The following FGD3 variants were observed in gnomAD, a reference collection of about 807,000 sequenced individuals.
The protein encoded by FGD3 is FYVE, RhoGEF and PH domain containing 3.
Under a neutral mutation model 71.8 loss-of-function variants are expected in FGD3, and 45 were observed. That is an observed-to-expected ratio of 0.63 (90% CI 0.49 to 0.80). The LOEUF is 0.80. Among genes scored for constraint, FGD3 ranks in the 30% least tolerant of loss-of-function variants. The pLI is 0.00. For synonymous variants in FGD3, 378 were observed against 392.8 expected (o/e 0.96, Z 0.44); for missense variants, 844 against 951.5 (o/e 0.89, Z 1.49).
intron 1 of FGD3, among the ~76,000 whole-genome samples, chr9:92,973,124 T>C (rs1859597293): frequency 6.9e-6 from 1 of 144,318 alleles, no homozygotes; most frequent in Admixed American, 6.9e-5. Context: ...TTTTTTTTTT[T>C]TTTTTTTTGA....
chr9:93,025,116 C>T (rs796739563), intron 14 of FGD3, among the ~76,000 whole-genome samples: 6 of 152,338 alleles, frequency 3.9e-5, no homozygotes, highest in African/African-American at 1.4e-4. Flanking sequence ...CGCTGTGCCT[C>T]GATGGGTGCG....
At chr9:93,015,680 C>T (rs1354298802) in intron 9 of FGD3, 57 bp from the exon 10 acceptor site, 2 of 1,411,394 alleles carry the variant, frequency 1.4e-6, no homozygotes, top group African/African-American at 2.8e-5. Context: ...CTCACTGGGG[C>T]CCCTGGGGGG....
At chr9:93,023,675 TGCTAGGCCCCAGG>T (rs1440256943) in intron 14 of FGD3, among the ~76,000 whole-genome samples, 1 of 152,060 alleles carries the variant, frequency 6.6e-6, no homozygotes, top group Non-Finnish European at 1.5e-5. Flanking sequence ...CCCCTTGCCC[TGCTAGGCCCCAGG>T]GCCTTGACAC....
At chr9:93,024,599 G>A (rs937223880) in intron 14 of FGD3, among the ~76,000 whole-genome samples, 4 of 152,250 alleles carry the variant, frequency 2.6e-5, no homozygotes, top group Admixed American at 6.5e-5. Context: ...TGTCCTTGGT[G>A]TGAGCCCATA....
At chr9:92,954,657 A>C (rs1859016055) in intron 1 of FGD3, among the ~76,000 whole-genome samples, 1 of 152,090 alleles carries the variant, frequency 6.6e-6, no homozygotes, top group Non-Finnish European at 1.5e-5. Context: ...CCGCTCAGCA[A>C]ATGGTTGTTG....
At chr9:92,964,865 G>A (rs997350748) in intron 1 of FGD3, among the ~76,000 whole-genome samples, 2 of 152,212 alleles carry the variant, frequency 1.3e-5, no homozygotes, top group African/African-American at 2.4e-5. Context: ...GAACAGAGGA[G>A]GGTGGTCCCA....
chr9:93,001,170 C>T (rs970613493), intron 3 of FGD3, among the ~76,000 whole-genome samples: 1 of 152,114 alleles, frequency 6.6e-6, no homozygotes, highest in African/African-American at 2.4e-5. Context: ...GATATTCTCA[C>T]TTTGTTCATG....
Position 93,034,621 on chromosome 9 carries a change from G to T in FGD3, c.1866G>T (p.Glu622Asp). The part of the protein sequence containing the change: ...RLSESGETWS[E>D]VWAAIPMSDP... The stretch of plus-strand genomic sequence containing the variant: ...CAGAGAGCGGTGAGACCTGGAGCGA[G>T]GTGTGGGCCGCCATCCCCATGTCAG... Residue 622 changes from glutamate (E) to aspartate (D), a missense_variant, in exon 17 of 18, where the codon GAG (glutamate) becomes GAT (aspartate). Glu to Asp is a conservative substitution (Grantham distance 45). Transcript: ENST00000375482. 1 of 1,613,512 alleles carries T rather than the reference G, an allele frequency of 6.2e-7. No homozygotes were observed. The highest frequency in any genetic ancestry group is 8.5e-7 in the Non-Finnish European group (1 of 1,179,874).
At chr9:92,965,549 G>A (rs1859290813) in intron 1 of FGD3, among the ~76,000 whole-genome samples, 1 of 152,198 alleles carries the variant, frequency 6.6e-6, no homozygotes. Context: ...GGGGGCGGAG[G>A]TCCACGTCTA....
At chr9:93,016,502 T>TAGG (rs1256889670) in intron 10 of FGD3, among the ~76,000 whole-genome samples, 5 of 151,384 alleles carry the variant, frequency 3.3e-5, no homozygotes, top group Non-Finnish European at 7.4e-5. Flanking sequence ...CACACCCAGC[T>TAGG]AATTTTTGTA....
chr9:92,976,640 C>T lies in FGD3; in HGVS notation c.384C>T (p.Ser128=), dbSNP rs758203468. 1.5e-5 allele frequency: 24 copies of T among 1,612,400 alleles called. No individual in the cohort carries two copies. In the South Asian group the frequency reaches 2.0e-4, roughly 13 times the overall value. The change falls in exon 3 of 18, where the codon AGC becomes AGT. Residue 128 remains serine, a synonymous_variant. Coordinates refer to ENST00000375482, the MANE Select transcript of FGD3 (RefSeq NM_001083536.2). ...TCACCCCCCAGGAGGAGGCGGACAG[C>T]GACGTGGGTGAGGAACCTGACTCTG... The part of the protein sequence containing the change: ...PKVTPQEEAD[S]DVGEEPDSEN...
At chr9:93,020,263 G>T in intron 12 of FGD3, 54 bp from the exon 13 acceptor site, 1 of 1,522,610 alleles carries the variant, frequency 6.6e-7, no homozygotes, top group Non-Finnish European at 8.9e-7. Flanking sequence ...CCTCCTGTGG[G>T]TAGCATCCTC....
Position 93,018,059 on chromosome 9 carries a change from T to C in FGD3, c.1276-77T>C, listed in dbSNP as rs1383680979. 2.8e-6 allele frequency: 4 copies of C among 1,407,518 alleles called. No homozygotes were observed. The East Asian group carries it at 9.1e-5, about 32-fold the overall frequency. 87.2% of individuals were successfully genotyped at this position (1,407,518 alleles called of 1,614,324 possible). A position where few individuals can be genotyped will look rare whatever the true frequency, so the allele number is the denominator to read the frequency against. On this transcript the variant is annotated intron_variant, in intron 10 of 17. Coordinates refer to ENST00000375482, the MANE Select transcript of FGD3 (RefSeq NM_001083536.2). ...TCTGTTACCTCCTTGGGGAAACACT[T>C]CTAAGTCAGAAAACATGAGGCTGGA... is the stretch of plus-strand genomic sequence containing the variant.
At chr9:92,949,641 C>T (rs1295020911) in intron 1 of FGD3, among the ~76,000 whole-genome samples, 1 of 152,192 alleles carries the variant, frequency 6.6e-6, no homozygotes. Flanking sequence ...GCCATAGCTC[C>T]ACAGTCTCAG....
At chr9:93,006,793 C>T (rs1307156435) in intron 6 of FGD3, among the ~76,000 whole-genome samples, 2 of 151,410 alleles carry the variant, frequency 1.3e-5, no homozygotes, top group Non-Finnish European at 2.9e-5. Context: ...GTGGCACGAT[C>T]TCGGCTCACT....
chr9:93,015,686 G>C (rs751951968), intron 9 of FGD3, 51 bp from the exon 10 acceptor site: 50 of 1,499,412 alleles, frequency 3.3e-5, no homozygotes, highest in Non-Finnish European at 4.1e-5. Flanking sequence ...GGGGCCCCTG[G>C]GGGGACCTGC....
chr9:93,016,708 C>G (rs1162676831), intron 10 of FGD3, among the ~76,000 whole-genome samples: 1 of 151,190 alleles, frequency 6.6e-6, no homozygotes, highest in Non-Finnish European at 1.5e-5. Context: ...ACTGCGACCT[C>G]CACCTCCTAG....
intron 1 of FGD3, among the ~76,000 whole-genome samples, chr9:92,960,077 C>T (rs746980587): frequency 6.6e-5 from 10 of 151,904 alleles, no homozygotes; most frequent in Admixed American, 2.0e-4. Context: ...CCCCATATCT[C>T]CATATTCTTC....
At position 93,027,848 on chromosome 9, in the gene FGD3, T is replaced by C. The variant is rs1212221273; in HGVS notation, c.1558-2026T>C. Reference sequence around the variant, plus strand: ...GATCCTCCTACCTAAGCCCCCCAAATATCTGGGACTACAGGCACGTGCCAC... The same window carrying C: ...GATCCTCCTACCTAAGCCCCCCAAACATCTGGGACTACAGGCACGTGCCAC... On this transcript the variant is annotated intron_variant, in intron 14 of 17. Transcript: ENST00000375482. Among the ~76,000 whole-genome samples, 5 of 147,280 alleles carry C rather than the reference T, an allele frequency of 3.4e-5. No individual in the cohort carries two copies. The Admixed American group carries it at 3.5e-4, about 10-fold the overall frequency.
Sources: gnomAD v4.1 joint callset for allele counts (sites outside exome capture counted in the v4.1 genomes callset) on GRCh38, gnomAD v4.1.1 for gene constraint, MANE v1.5 for transcripts, NCBI Gene and HGNC (gene_info 2026-07-23, HGNC 2026-07-21) for gene names.